The following MFAP2 variants were observed in gnomAD, a reference collection of about 807,000 sequenced individuals.
The protein encoded by MFAP2 is microfibrillar-associated protein 2.
MFAP2 carries 23 observed loss-of-function variants against 30.6 expected under a neutral mutation model. The ratio of observed to expected loss-of-function variants is 0.75; its 90% CI spans 0.54 to 1.07. The LOEUF (loss-of-function observed/expected upper bound fraction) is 1.07, where lower values mean the gene tolerates loss of function less well. MFAP2 is among the 50% of genes least tolerant of loss of function. The pLI, the probability that MFAP2 is intolerant of heterozygous loss-of-function variation, is 0.00. For missense variants in MFAP2, 198 were observed against 223.8 expected, an observed-to-expected ratio of 0.88 and a Z score of 0.74; for synonymous variants, 73 against 85.7, an observed-to-expected ratio of 0.85 and a Z score of 0.82.
In MFAP2 at chr1:16,975,585, G is replaced by GT; in HGVS notation, c.374+57dup. 1 of 1,548,298 alleles carries GT rather than the reference G, an allele frequency of 6.5e-7. No homozygotes were observed. Among genetic ancestry groups the GT allele is most frequent in the South Asian group, 1.1e-5 (1 of 88,420 alleles). On this transcript the variant is annotated intron_variant, in intron 7 of 8. Coordinates refer to ENST00000375535, the MANE Select transcript of MFAP2 (RefSeq NM_002403.4). The surrounding 1 kb of genome is among the most constrained non-coding windows in gnomAD (Gnocchi z 5.0). Reference sequence around the variant, plus strand: ...CCTTGGCGGGCCAGAGCTGTCCCCTGTGCCCTCTAGCCCCCCATGCTCCGG... The same window carrying GT: ...CCTTGGCGGGCCAGAGCTGTCCCCTGTTGCCCTCTAGCCCCCCATGCTCCGG...
chr1:16,976,870 C>G lies in MFAP2; in HGVS notation c.154+27G>C. The stretch of plus-strand genomic sequence containing the variant: ...GGTCTCCCCACCCCAGCTGCCGGCC[C>G]GTCCTATCCTACCCCTAGCCCGTTA... On this transcript the variant is annotated intron_variant, in intron 4 of 8. Transcript: ENST00000375535. This position sits in a 1 kb window ranked among gnomAD's most constrained non-coding sequence, Gnocchi z 5.5. The G allele has an allele frequency of 6.2e-7, 1 of 1,614,074 alleles. No homozygotes were observed. Among genetic ancestry groups the G allele is most frequent in the Non-Finnish European group, 8.5e-7 (1 of 1,179,978 alleles).
chr1:16,976,094 GCA>G lies in MFAP2; in HGVS notation c.287-366_287-365del, dbSNP rs779751454. ...CGAGAGTGAGCACACGGATTCTCCT[GCA>G]CACACACACCTTGTTCTTTCAAGCT... On this transcript the variant is annotated intron_variant, in intron 6 of 8. Coordinates refer to ENST00000375535, the MANE Select transcript of MFAP2 (RefSeq NM_002403.4). The surrounding 1 kb of genome is among the most constrained non-coding windows in gnomAD (Gnocchi z 5.5). 25 of 462,006 alleles carry G rather than the reference GCA, an allele frequency of 5.4e-5. No individual in the cohort carries two copies. The highest frequency in any genetic ancestry group is 3.7e-4 in the East Asian group (9 of 24,174). 28.6% of individuals were successfully genotyped at this position (462,006 alleles called of 1,614,324 possible).
At chr1:16,978,196 C>T (rs2076608791) in intron 2 of MFAP2, 41 bp downstream of exon 2, 2 of 1,553,006 alleles carry the variant, frequency 1.3e-6, no homozygotes, top group Non-Finnish European at 1.7e-6. Context: ...CTCCTCAGCC[C>T]CACATAAGAG....
chr1:16,976,463 C>T lies in MFAP2; in HGVS notation c.286+38G>A, dbSNP rs369513306. On this transcript the variant is annotated intron_variant, in intron 6 of 8. Coordinates refer to ENST00000375535, the MANE Select transcript of MFAP2 (RefSeq NM_002403.4). The surrounding 1 kb of genome is among the most constrained non-coding windows in gnomAD (Gnocchi z 5.5). Reference sequence around the variant, plus strand: ...CCCCTACTCCACCCCAACTTCAGGGCGTGCCTCCATTTTTCCAGCTGTCAA... The same window carrying T: ...CCCCTACTCCACCCCAACTTCAGGGTGTGCCTCCATTTTTCCAGCTGTCAA... 10 of 1,613,634 alleles carry T rather than the reference C, an allele frequency of 6.2e-6. No individual in the cohort carries two copies. In the African/African-American group the frequency reaches 6.7e-5, roughly 11 times the overall value.
intron 1 of MFAP2, among the ~76,000 whole-genome samples, chr1:16,980,264 C>CG (rs1236163910): frequency 3.3e-4 from 25 of 75,536 alleles, no homozygotes; most frequent in East Asian, 2.3e-3. Flanking sequence ...CCATTCCCAC[C>CG]GGACCCCCCC....
Position 16,976,456 on chromosome 1 carries a change from T to G in MFAP2, c.286+45A>C. On this transcript the variant is annotated intron_variant, in intron 6 of 8. Coordinates refer to ENST00000375535, the MANE Select transcript of MFAP2 (RefSeq NM_002403.4). This position sits in a 1 kb window ranked among gnomAD's most constrained non-coding sequence, Gnocchi z 5.5. ...GCACCACCCCCTACTCCACCCCAAC[T>G]TCAGGGCGTGCCTCCATTTTTCCAG... The G allele has an allele frequency of 1.2e-6, 2 of 1,613,480 alleles. No homozygotes were observed. Among genetic ancestry groups the G allele is most frequent in the South Asian group, 1.1e-5 (1 of 91,062 alleles).
chr1:16,975,511 A>G lies in MFAP2; in HGVS notation c.374+132T>C, dbSNP rs2076582826. On this transcript the variant is annotated intron_variant, in intron 7 of 8. Coordinates refer to ENST00000375535, the MANE Select transcript of MFAP2 (RefSeq NM_002403.4). This position sits in a 1 kb window ranked among gnomAD's most constrained non-coding sequence, Gnocchi z 5.0. ...GGAGGTCCCTGGCCCAGGCTCAACC[A>G]CAGAACTGAGCTCAACTTAAGGACT... The G allele has an allele frequency of 8.1e-7, 1 of 1,238,922 alleles. No homozygotes were observed. The highest frequency in any genetic ancestry group is 1.2e-6 in the Non-Finnish European group (1 of 858,460). The allele number at this position is 1,238,922 out of a possible 1,614,324, so 76.7% of individuals were successfully genotyped here.
Position 16,976,647 on chromosome 1 carries a change from G to C in MFAP2, c.241+61C>G. The stretch of plus-strand genomic sequence containing the variant: ...CTGGCAGACCCCCACTCCCAGGGTT[G>C]ACAGGGTGGGGAGGGGTGAGGCAGG... On this transcript the variant is annotated intron_variant, in intron 5 of 8. Transcript: ENST00000375535. This position sits in a 1 kb window ranked among gnomAD's most constrained non-coding sequence, Gnocchi z 5.5. 6.2e-7 allele frequency: 1 copy of C among 1,610,052 alleles called. No individual in the cohort carries two copies. Among genetic ancestry groups the C allele is most frequent in the East Asian group, 2.2e-5 (1 of 44,824 alleles).
upstream of MFAP2, chr1:16,980,772 G>T (rs1038757974): frequency 1.3e-5 from 1 of 78,776 alleles, no homozygotes; most frequent in Non-Finnish European, 2.7e-5. Context: ...CATCTCCTGG[G>T]GGGGGGGGTG....
Position 16,974,974 on chromosome 1 carries a change from G to A in MFAP2, c.498C>T (p.Ser166=), listed in dbSNP as rs1002248346. The A allele has an allele frequency of 1.3e-5, 14 of 1,080,116 alleles. No individual in the cohort carries two copies. The highest frequency in any genetic ancestry group is 1.8e-5 in the Non-Finnish European group (13 of 722,826). 66.9% of individuals were successfully genotyped at this position (1,080,116 alleles called of 1,614,324 possible). A position where few individuals can be genotyped will look rare whatever the true frequency, so the allele number is the denominator to read the frequency against. The part of the protein sequence containing the change: ...KFSKCGVMAS[S]GLCQSVAASC... Reference sequence around the variant, plus strand: ...AGGCCGCCACGGATTGGCACAGGCCGCTGCTGGCCATCACGCCACATTTGG... The same window carrying A: ...AGGCCGCCACGGATTGGCACAGGCCACTGCTGGCCATCACGCCACATTTGG... The change falls in exon 9 of 9, where the codon AGC becomes AGT. Residue 166 remains serine, a synonymous_variant. Coordinates refer to ENST00000375535, the MANE Select transcript of MFAP2 (RefSeq NM_002403.4).
rs1570738477 is a variant in MFAP2, at chr1:16,976,941, A to G, written c.128-18T>C. The G allele has an allele frequency of 6.2e-7, 1 of 1,614,060 alleles. No homozygotes were observed. The highest frequency in any genetic ancestry group is 8.5e-7 in the Non-Finnish European group (1 of 1,179,982). ...TGGGTTGTCTGCAAACAAAGATGAA[A>G]GTGGAATTGGTGGGAGTAAGGCTAA... On this transcript the variant is annotated intron_variant, in intron 3 of 8. Transcript: ENST00000375535. The surrounding 1 kb of genome is among the most constrained non-coding windows in gnomAD (Gnocchi z 5.5).
Position 16,975,780 on chromosome 1 carries a change from C to A in MFAP2, c.287-50G>T. ...GGAGCCCAGAGTGGGGGGCGGCCCCCAGCCTCACCCACCTGAGGCTGGCTC... is the reference window on the plus strand; with the variant it reads ...GGAGCCCAGAGTGGGGGGCGGCCCCAAGCCTCACCCACCTGAGGCTGGCTC... On this transcript the variant is annotated intron_variant, in intron 6 of 8. Transcript: ENST00000375535. This position sits in a 1 kb window ranked among gnomAD's most constrained non-coding sequence, Gnocchi z 5.0. 6.5e-7 allele frequency: 1 copy of A among 1,536,394 alleles called. No individual in the cohort carries two copies. The highest frequency in any genetic ancestry group is 2.3e-5 in the East Asian group (1 of 43,496).
At chr1:16,980,267 A>ACCCCCCCCCCCCCCCCCCCCCCC (rs60000302) in intron 1 of MFAP2, among the ~76,000 whole-genome samples, 1 of 80,298 alleles carries the variant, frequency 1.2e-5, no homozygotes, top group Admixed American at 1.2e-4. Flanking sequence ...TTCCCACCGG[A>ACCCCCCCCCCCCCCCCCCCCCCC]CCCCCCCCCC....
Position 16,975,489 on chromosome 1 carries a change from G to T in MFAP2, c.375-147C>A. On this transcript the variant is annotated intron_variant, in intron 7 of 8. Transcript: ENST00000375535. This position sits in a 1 kb window ranked among gnomAD's most constrained non-coding sequence, Gnocchi z 5.0. ...GGCACTGGAGCCCAGGAGTGGAGGA[G>T]GTCCCTGGCCCAGGCTCAACCACAG... 1 of 1,199,332 alleles carries T rather than the reference G, an allele frequency of 8.3e-7. No individual in the cohort carries two copies. Among genetic ancestry groups the T allele is most frequent in the Non-Finnish European group, 1.2e-6 (1 of 824,008 alleles). The allele number at this position is 1,199,332 out of a possible 1,614,324, so 74.3% of individuals were successfully genotyped here. A position where few individuals can be genotyped will look rare whatever the true frequency, so the allele number is the denominator to read the frequency against.
In MFAP2 at chr1:16,976,621, C is replaced by G. The variant is rs1035047945; in HGVS notation, c.242-76G>C. On this transcript the variant is annotated intron_variant, in intron 5 of 8. Transcript: ENST00000375535. This position sits in a 1 kb window ranked among gnomAD's most constrained non-coding sequence, Gnocchi z 5.5. The stretch of plus-strand genomic sequence containing the variant: ...GGCAAGGGGAGTCACCTCTCCCAGC[C>G]CTGGCAGACCCCCACTCCCAGGGTT... 295 of 1,611,826 alleles carry G rather than the reference C, an allele frequency of 1.8e-4. No individual in the cohort carries two copies. The highest frequency in any genetic ancestry group is 1.7e-3 in the Middle Eastern group (10 of 6,058).
Position 16,978,225 on chromosome 1 carries a change from G to T in MFAP2, c.37+12C>A. ...ATAAGAGGAGCTACCCCCTGCCCCAGGAGCCACTTACCAGGCAGGAATAGC... is the reference window on the plus strand; with the variant it reads ...ATAAGAGGAGCTACCCCCTGCCCCATGAGCCACTTACCAGGCAGGAATAGC... On this transcript the variant is annotated intron_variant, in intron 2 of 8. Coordinates refer to ENST00000375535, the MANE Select transcript of MFAP2 (RefSeq NM_002403.4). 1.3e-6 allele frequency: 2 copies of T among 1,568,122 alleles called. No individual in the cohort carries two copies. Among genetic ancestry groups the T allele is most frequent in the Non-Finnish European group, 1.7e-6 (2 of 1,155,632 alleles).
In MFAP2 at chr1:16,975,588, C is replaced by T; in HGVS notation, c.374+55G>A. 6.4e-7 allele frequency: 1 copy of T among 1,555,496 alleles called. No homozygotes were observed. Among genetic ancestry groups the T allele is most frequent in the Non-Finnish European group, 8.8e-7 (1 of 1,130,532 alleles). On this transcript the variant is annotated intron_variant, in intron 7 of 8. Transcript: ENST00000375535. The surrounding 1 kb of genome is among the most constrained non-coding windows in gnomAD (Gnocchi z 5.0). Reference sequence around the variant, plus strand: ...TGGCGGGCCAGAGCTGTCCCCTGTGCCCTCTAGCCCCCCATGCTCCGGAAT... The same window carrying T: ...TGGCGGGCCAGAGCTGTCCCCTGTGTCCTCTAGCCCCCCATGCTCCGGAAT...
chr1:16,977,054 G>A, intron 3 of MFAP2, 55 bp downstream of exon 3: 2 of 1,612,768 alleles, frequency 1.2e-6, no homozygotes, highest in Non-Finnish European at 1.7e-6. Flanking sequence ...GCGGTCCCTG[G>A]CTGAGCCAGG....
At position 16,976,564 on chromosome 1, in the gene MFAP2, T is replaced by C; in HGVS notation, c.242-19A>G. 1 of 1,614,040 alleles carries C rather than the reference T, an allele frequency of 6.2e-7. No individual in the cohort carries two copies. The highest frequency in any genetic ancestry group is 2.2e-5 in the East Asian group (1 of 44,866). On this transcript the variant is annotated intron_variant, in intron 5 of 8. Transcript: ENST00000375535. The surrounding 1 kb of genome is among the most constrained non-coding windows in gnomAD (Gnocchi z 5.5). ...CCTGGTTCTGGTGTGGAGACAGAGG[T>C]AGGCAGACATCACTGGGAGGGGTCT... is the stretch of plus-strand genomic sequence containing the variant.
Sources: allele counts gnomAD v4.1 joint callset (sites outside exome capture counted in the v4.1 genomes callset), GRCh38; gene constraint gnomAD v4.1.1; non-coding constraint Gnocchi (gnomAD v3.1); transcripts MANE v1.5; gene names NCBI Gene and HGNC (gene_info 2026-07-23, HGNC 2026-07-21).